The following CARNMT1 variants were observed in gnomAD, a reference collection of about 807,000 sequenced individuals.
The protein encoded by CARNMT1 is protein-L-histidine N-pros-methyltransferase CARNMT1.
In CARNMT1, 28 loss-of-function variants were observed where a neutral mutation model predicts 49.6. That is an observed-to-expected ratio of 0.56 (90% confidence interval 0.42 to 0.77). The LOEUF (loss-of-function observed/expected upper bound fraction) is 0.77. Among genes scored for constraint, CARNMT1 ranks in the 30% least tolerant of loss-of-function variants. The probability of loss-of-function intolerance (pLI) is 0.00; values close to 1 mark genes in which losing one functional copy is unlikely to be tolerated. For missense variants in CARNMT1, 421 were observed against 512.6 expected (o/e 0.82, Z 1.73); for synonymous variants, 178 against 175.0 (o/e 1.02, Z -0.13).
chr9:74,989,669 C>A (rs1314301842), intron 6 of CARNMT1, among the ~76,000 whole-genome samples: 1 of 152,094 alleles, frequency 6.6e-6, no homozygotes, highest in African/African-American at 2.4e-5. Context: ...TGAGTTCTTG[C>A]AAGATCTGAT....
intron 3 of CARNMT1, among the ~76,000 whole-genome samples, chr9:75,006,082 GAGTCTCC>G (rs1228294716): frequency 6.6e-6 from 1 of 150,458 alleles, no homozygotes; most frequent in African/African-American, 2.5e-5. Flanking sequence ...TTTTGTGACA[GAGTCTCC>G]AGCTCAGGCT....
chr9:75,017,442 AC>A lies in CARNMT1; in HGVS notation c.236del (p.Ser79IlefsTer6). 2 of 1,613,184 alleles carry A rather than the reference AC, an allele frequency of 1.2e-6. No homozygotes were observed. The highest frequency in any genetic ancestry group is 1.7e-6 in the Non-Finnish European group (2 of 1,179,592). On this transcript the variant is annotated frameshift_variant, in exon 2 of 8. Transcript: ENST00000376834. LOFTEE classifies it high-confidence loss of function. ...IINAFRYYGT[S>X]MHERVNRTER... is the part of the protein sequence containing the mutation. The stretch of plus-strand genomic sequence containing the variant: ...CTGTTCGGTTCACCCGCTCATGCAT[AC>A]TGGTGCTAAAACATAAAAGGTGTTT...
chr9:75,005,873 C>G (rs933871415), intron 3 of CARNMT1, among the ~76,000 whole-genome samples: 1 of 132,232 alleles, frequency 7.6e-6, no homozygotes, highest in Non-Finnish European at 1.6e-5. Context: ...CACACACACA[C>G]AATAAAAGGC....
At chr9:75,017,228 A>T (rs532341959) in intron 2 of CARNMT1, 25 bp downstream of exon 2, 9 of 1,579,366 alleles carry the variant, frequency 5.7e-6, no homozygotes, top group Non-Finnish European at 7.8e-6. Flanking sequence ...TAAAATAAAC[A>T]GAAATAGAAC....
intron 3 of CARNMT1, among the ~76,000 whole-genome samples, chr9:75,008,705 T>C (rs191387868): frequency 1.4e-3 from 217 of 152,326 alleles, no homozygotes; most frequent in African/African-American, 5.0e-3. Flanking sequence ...AAAGACATAC[T>C]GTGATAATGT....
At chr9:75,025,802 C>T (rs975995484) in intron 1 of CARNMT1, among the ~76,000 whole-genome samples, 6 of 151,968 alleles carry the variant, frequency 3.9e-5, no homozygotes, top group Non-Finnish European at 4.4e-5. Context: ...CAACCTACTT[C>T]GATAATGGAA....
chr9:75,014,625 A>G (rs1564103730), intron 3 of CARNMT1, among the ~76,000 whole-genome samples: 1 of 152,170 alleles, frequency 6.6e-6, no homozygotes, highest in Non-Finnish European at 1.5e-5. Context: ...AAAAAGTATA[A>G]GTGAATTCAG....
intron 6 of CARNMT1, among the ~76,000 whole-genome samples, chr9:74,993,420 A>C (rs145814541): frequency 7.8e-4 from 119 of 152,294 alleles, no homozygotes; most frequent in African/African-American, 2.8e-3. Context: ...TGAAGAGTTT[A>C]GGTTTTCCAG....
chr9:74,985,059 T>G (rs1414614165), intron 6 of CARNMT1, 49 bp from the exon 7 acceptor site: 1 of 1,319,920 alleles, frequency 7.6e-7, no homozygotes, highest in East Asian at 2.3e-5. Flanking sequence ...CATACACTCA[T>G]AGCTGTGTTA....
chr9:74,990,488 G>A (rs146348710), intron 6 of CARNMT1, among the ~76,000 whole-genome samples: 2 of 152,284 alleles, frequency 1.3e-5, no homozygotes, highest in Non-Finnish European at 2.9e-5. Flanking sequence ...GTGTATGTAT[G>A]TGTGTGTGTT....
intron 1 of CARNMT1, among the ~76,000 whole-genome samples, chr9:75,022,784 A>G (rs1207996813): frequency 6.6e-6 from 1 of 152,110 alleles, no homozygotes; most frequent in Non-Finnish European, 1.5e-5. Flanking sequence ...TGCCCCACAA[A>G]AACCTGCCCT....
intron 3 of CARNMT1, among the ~76,000 whole-genome samples, chr9:75,013,742 G>A (rs896965071): frequency 2.0e-5 from 3 of 152,094 alleles, no homozygotes; most frequent in African/African-American, 7.2e-5. Flanking sequence ...AGTGGTTTAT[G>A]CCTGTAATCC....
At chr9:75,012,098 C>A (rs777211283) in intron 3 of CARNMT1, among the ~76,000 whole-genome samples, 2 of 152,148 alleles carry the variant, frequency 1.3e-5, no homozygotes, top group African/African-American at 4.8e-5. Context: ...CTCCTGCACA[C>A]ATACCCGATG....
intron 7 of CARNMT1, 97 bp from the exon 8 acceptor site, chr9:74,983,965 T>A (rs1051369105): frequency 1.5e-6 from 1 of 683,770 alleles, no homozygotes; most frequent in Middle Eastern, 3.8e-4. Context: ...GGCACTATTT[T>A]AAGCATATTC....
chr9:74,991,513 T>C (rs1833013339), intron 6 of CARNMT1: 1 of 152,232 alleles, frequency 6.6e-6, no homozygotes, highest in African/African-American at 2.4e-5. Flanking sequence ...TTGAGCATTT[T>C]CCAAAGTTTT....
Position 75,016,516 on chromosome 9 carries a change from T to C in CARNMT1, c.427-85A>G, listed in dbSNP as rs1833857824. Reference sequence around the variant, plus strand: ...AAATAGACATGCTACTAAGGGGCTATATAGGTGGTTTAGTGGATAAATCAC... The same window carrying C: ...AAATAGACATGCTACTAAGGGGCTACATAGGTGGTTTAGTGGATAAATCAC... On this transcript the variant is annotated intron_variant, in intron 2 of 7. Coordinates refer to ENST00000376834, the MANE Select transcript of CARNMT1 (RefSeq NM_152420.3). 4 of 1,312,184 alleles carry C rather than the reference T, an allele frequency of 3.0e-6. No individual in the cohort carries two copies. The South Asian group carries it at 4.1e-5, about 14-fold the overall frequency. The allele number at this position is 1,312,184 out of a possible 1,614,324, so 81.3% of individuals were successfully genotyped here. A position where few individuals can be genotyped will look rare whatever the true frequency, so the allele number is the denominator to read the frequency against.
At chr9:75,011,288 C>G (rs1418560260) in intron 3 of CARNMT1, among the ~76,000 whole-genome samples, 1 of 152,148 alleles carries the variant, frequency 6.6e-6, no homozygotes, top group Admixed American at 6.5e-5. Context: ...GGTGCTCCCA[C>G]GCTCCCTACC....
At chr9:74,999,617 T>C in intron 4 of CARNMT1, 113 bp downstream of exon 4, 2 of 838,760 alleles carry the variant, frequency 2.4e-6, no homozygotes, top group Non-Finnish European at 3.5e-6. Flanking sequence ...TTGTGATATA[T>C]ATAATAATCA....
chr9:75,002,207 C>G (rs1247254811), intron 3 of CARNMT1, among the ~76,000 whole-genome samples: 4 of 152,224 alleles, frequency 2.6e-5, no homozygotes, highest in South Asian at 2.1e-4. Flanking sequence ...TCTGCTCCAG[C>G]TTTTTCACCA....
Sources: gnomAD v4.1 joint callset for allele counts (sites outside exome capture counted in the v4.1 genomes callset) on GRCh38, gnomAD v4.1.1 for gene constraint, MANE v1.5 for transcripts, NCBI Gene and HGNC (gene_info 2026-07-23, HGNC 2026-07-21) for gene names.